ZDHHC3: variants seen among roughly 807,000 people sequenced by gnomAD.
The protein encoded by ZDHHC3 is palmitoyltransferase ZDHHC3.
ZDHHC3 carries 9 observed loss-of-function variants against 30.6 expected under a neutral mutation model. That is an observed-to-expected ratio of 0.29 (90% CI 0.18 to 0.51). The LOEUF is 0.51. Ranked by LOEUF, ZDHHC3 falls within the 20% of genes least tolerant of loss-of-function variation. ZDHHC3 has a pLI of 0.97. For synonymous variants in ZDHHC3, 136 were observed against 140.2 expected, an observed-to-expected ratio of 0.97 and a Z score of 0.21; for missense variants, 246 against 384.2, an observed-to-expected ratio of 0.64 and a Z score of 3.01.
Position 44,926,563 on chromosome 3 carries a change from T to C in ZDHHC3, c.*126A>G. On this transcript the variant is annotated 3_prime_UTR_variant, in exon 7 of 7. Coordinates refer to ENST00000424952, the MANE Select transcript of ZDHHC3 (RefSeq NM_001135179.2). Reference sequence around the variant, plus strand: ...CTCTGCAATGCTCAGCCATTTTACTTGAGACATAAAAAAAGTTTTAAGAGT... The same window carrying C: ...CTCTGCAATGCTCAGCCATTTTACTCGAGACATAAAAAAAGTTTTAAGAGT... 4 of 1,269,408 alleles carry C rather than the reference T, an allele frequency of 3.2e-6. No individual in the cohort carries two copies. The highest frequency in any genetic ancestry group is 3.0e-6 in the Non-Finnish European group (3 of 1,001,920). The allele number at this position is 1,269,408 out of a possible 1,614,324, so 78.6% of individuals were successfully genotyped here. A position where few individuals can be genotyped will look rare whatever the true frequency, so the allele number is the denominator to read the frequency against.
At chr3:44,940,628 C>T (rs1239154694) in intron 3 of ZDHHC3, among the ~76,000 whole-genome samples, 2 of 152,210 alleles carry the variant, frequency 1.3e-5, no homozygotes, top group South Asian at 2.1e-4. Flanking sequence ...TTCCAGGTTT[C>T]CCAGGCCCCT....
chr3:44,965,030 G>A (rs1704819776), intron 1 of ZDHHC3, among the ~76,000 whole-genome samples: 1 of 152,130 alleles, frequency 6.6e-6, no homozygotes, highest in South Asian at 2.1e-4. Context: ...GAGGTGTTCT[G>A]GAGCTCCCTA....
At position 44,922,044 on chromosome 3, in the gene ZDHHC3, T is replaced by C. The variant is rs957292634; in HGVS notation, c.*4645A>G. ...TGCTACGGCAATCACACTGCTCAAGTCAGCAAGATGTTTACTTGAGGGAGA... is the reference window on the plus strand; with the variant it reads ...TGCTACGGCAATCACACTGCTCAAGCCAGCAAGATGTTTACTTGAGGGAGA... On this transcript the variant is annotated 3_prime_UTR_variant, in exon 7 of 7. Coordinates refer to ENST00000424952, the MANE Select transcript of ZDHHC3 (RefSeq NM_001135179.2). 1.0e-5 allele frequency: 10 copies of C among 985,430 alleles called. No homozygotes were observed. Among genetic ancestry groups the C allele is most frequent in the Non-Finnish European group, 1.2e-5 (10 of 829,926 alleles). The allele number at this position is 985,430 out of a possible 1,614,324, so 61.0% of individuals were successfully genotyped here.
At position 44,942,591 on chromosome 3, in the gene ZDHHC3, A is replaced by C. The variant is rs530546571; in HGVS notation, c.431+2577T>G. Among the ~76,000 whole-genome samples the C allele has an allele frequency of 2.4e-4, 37 of 152,376 alleles. 1 individual carries two copies. The highest frequency in any genetic ancestry group is 6.8e-3 in the Middle Eastern group (2 of 294). ...GAATCACCAAAAGTTCTTTTCTATA[A>C]TACAAAGTTAACACCTCCCTGTTCT... On this transcript the variant is annotated intron_variant, in intron 3 of 6. Coordinates refer to ENST00000424952, the MANE Select transcript of ZDHHC3 (RefSeq NM_001135179.2).
At chr3:44,930,015 C>T (rs1390947885) in intron 5 of ZDHHC3, among the ~76,000 whole-genome samples, 1 of 152,228 alleles carries the variant, frequency 6.6e-6, no homozygotes, top group Non-Finnish European at 1.5e-5. Context: ...TGAGGTAATG[C>T]ACTGCCCCCG....
At position 44,920,535 on chromosome 3, in the gene ZDHHC3, A is replaced by G. The variant is rs1700520977; in HGVS notation, c.*6154T>C. 1.0e-6 allele frequency: 1 copy of G among 985,400 alleles called. No homozygotes were observed. The highest frequency in any genetic ancestry group is 1.2e-6 in the Non-Finnish European group (1 of 829,892). The allele number at this position is 985,400 out of a possible 1,614,324, so 61.0% of individuals were successfully genotyped here. A position where few individuals can be genotyped will look rare whatever the true frequency, so the allele number is the denominator to read the frequency against. On this transcript the variant is annotated 3_prime_UTR_variant, in exon 7 of 7. Coordinates refer to ENST00000424952, the MANE Select transcript of ZDHHC3 (RefSeq NM_001135179.2). ...AGTATTGATGATTGGCAGATGGGGA[A>G]GAAACAGAAGTTCCAAGAGGCCATG...
intron 5 of ZDHHC3, among the ~76,000 whole-genome samples, chr3:44,932,542 CT>C (rs1701583920): frequency 6.6e-6 from 1 of 152,212 alleles, no homozygotes; most frequent in Admixed American, 6.5e-5. Flanking sequence ...GTGCAATCTT[CT>C]GGCTGGAGTT....
In ZDHHC3 at chr3:44,955,157, C is replaced by T. The variant is rs1342491925; in HGVS notation, c.306+3974G>A. On this transcript the variant is annotated intron_variant, in intron 2 of 6. Coordinates refer to ENST00000424952, the MANE Select transcript of ZDHHC3 (RefSeq NM_001135179.2). ...GCCAGCCTGCCTGTCAAGTGAGGCACCTGCCCTGCTCCTCTGTCCATTTGT... is the reference window on the plus strand; with the variant it reads ...GCCAGCCTGCCTGTCAAGTGAGGCATCTGCCCTGCTCCTCTGTCCATTTGT... Among the ~76,000 whole-genome samples, 3 of 152,326 alleles carry T rather than the reference C, an allele frequency of 2.0e-5. No homozygotes were observed. The East Asian group carries it at 5.8e-4, about 29-fold the overall frequency.
rs1179138022 is a variant in ZDHHC3 at position 44,959,118 on chromosome 3, C to CA, written c.306+12dup. ...GAGTGTGGGCTGGTCAAAACAAGCC[C>CA]AGACATACTCACGGGGTCCGTCAGC... is the stretch of plus-strand genomic sequence containing the variant. On this transcript the variant is annotated intron_variant, in intron 2 of 6. Transcript: ENST00000424952. The surrounding 1 kb of genome is among the most constrained non-coding windows in gnomAD (Gnocchi z 4.3). 1.9e-6 allele frequency: 3 copies of CA among 1,613,696 alleles called. No homozygotes were observed. Among genetic ancestry groups the CA allele is most frequent in the Middle Eastern group, 1.7e-4 (1 of 6,000 alleles).
At chr3:44,928,316 T>C (rs1701183209) in intron 6 of ZDHHC3, among the ~76,000 whole-genome samples, 1 of 152,178 alleles carries the variant, frequency 6.6e-6, no homozygotes, top group African/African-American at 2.4e-5. Flanking sequence ...TGTCCCTTCT[T>C]TTCTTTGCAC....
chr3:44,917,901 A>G lies in ZDHHC3; in HGVS notation c.*8788T>C. On this transcript the variant is annotated 3_prime_UTR_variant, in exon 7 of 7. Transcript: ENST00000424952. ...TCTCTCCCCACAGCAGCATCTATTCATCTGTCACCTCCACAGAGTCCTCGT... is the reference window on the plus strand; with the variant it reads ...TCTCTCCCCACAGCAGCATCTATTCGTCTGTCACCTCCACAGAGTCCTCGT... 1 of 1,302,786 alleles carries G rather than the reference A, an allele frequency of 7.7e-7. No individual in the cohort carries two copies. The highest frequency in any genetic ancestry group is 1.0e-6 in the Non-Finnish European group (1 of 988,934). The allele number at this position is 1,302,786 out of a possible 1,614,324, so 80.7% of individuals were successfully genotyped here. A position where few individuals can be genotyped will look rare whatever the true frequency, so the allele number is the denominator to read the frequency against.
intron 3 of ZDHHC3, among the ~76,000 whole-genome samples, chr3:44,935,490 G>T (rs114031764): frequency 0.018 from 2,733 of 152,274 alleles, 41 homozygotes; most frequent in Middle Eastern, 0.085. Flanking sequence ...TCAAACTCCT[G>T]AGCTCGAGCA....
chr3:44,949,135 T>C lies in ZDHHC3; in HGVS notation c.307-3843A>G, dbSNP rs1282605166. Reference sequence around the variant, plus strand: ...TAGAAAAAAAATCTGGTCTGCAAAATGTAGTCAGATGTCAGAAAAGCCTAT... The same window carrying C: ...TAGAAAAAAAATCTGGTCTGCAAAACGTAGTCAGATGTCAGAAAAGCCTAT... On this transcript the variant is annotated intron_variant, in intron 2 of 6. Transcript: ENST00000424952. 2.0e-5 allele frequency among the ~76,000 whole-genome samples: 3 copies of C among 152,012 alleles called. No homozygotes were observed. In the South Asian group the frequency reaches 6.2e-4, roughly 31 times the overall value.
chr3:44,917,882 CCCACAGCAGCATCTATTCATCTGTCACCT>C lies in ZDHHC3; in HGVS notation c.*8778_*8806del. Reference sequence around the variant, plus strand: ...GCACTTTTTAGTGTTTGCTTCTCTCCCCACAGCAGCATCTATTCATCTGTCACCTCCACAGAGTCCTCGTCCTTTGTCTC... The same window carrying C: ...GCACTTTTTAGTGTTTGCTTCTCTCCCCACAGAGTCCTCGTCCTTTGTCTC... On this transcript the variant is annotated 3_prime_UTR_variant, in exon 7 of 7. Transcript: ENST00000424952. 1 of 1,299,090 alleles carries C rather than the reference CCCACAGCAGCATCTATTCATCTGTCACCT, an allele frequency of 7.7e-7. No individual in the cohort carries two copies. Among genetic ancestry groups the C allele is most frequent in the South Asian group, 1.2e-5 (1 of 81,006 alleles). The allele number at this position is 1,299,090 out of a possible 1,614,324, so 80.5% of individuals were successfully genotyped here.
chr3:44,924,571 A>T lies in ZDHHC3; in HGVS notation c.*2118T>A. ...GTTTCTATTTTTAGGACTAAAAAAA[A>T]GTCAGTGCATCTTCAGCACTATCTA... is the stretch of plus-strand genomic sequence containing the variant. On this transcript the variant is annotated 3_prime_UTR_variant, in exon 7 of 7. Coordinates refer to ENST00000424952, the MANE Select transcript of ZDHHC3 (RefSeq NM_001135179.2). 1.0e-6 allele frequency: 1 copy of T among 985,480 alleles called. No homozygotes were observed. Among genetic ancestry groups the T allele is most frequent in the Non-Finnish European group, 1.2e-6 (1 of 829,938 alleles). The allele number at this position is 985,480 out of a possible 1,614,324, so 61.0% of individuals were successfully genotyped here.
At chr3:44,928,413 C>T (rs895869808) in intron 6 of ZDHHC3, among the ~76,000 whole-genome samples, 1 of 152,092 alleles carries the variant, frequency 6.6e-6, no homozygotes, top group Non-Finnish European at 1.5e-5. Flanking sequence ...TGCTGACTAC[C>T]CTGAGGCCCA....
Position 44,959,987 on chromosome 3 carries a change from T to C in ZDHHC3, c.-24-527A>G, listed in dbSNP as rs1295091026. 6.6e-6 allele frequency among the ~76,000 whole-genome samples: 1 copy of C among 152,138 alleles called. No individual in the cohort carries two copies. Among genetic ancestry groups the C allele is most frequent in the African/African-American group, 2.4e-5 (1 of 41,428 alleles). On this transcript the variant is annotated intron_variant, in intron 1 of 6. Transcript: ENST00000424952. This position sits in a 1 kb window ranked among gnomAD's most constrained non-coding sequence, Gnocchi z 4.3. ...CATGTTGCCCAGGCTGATCTCAAAC[T>C]CCTGAGCTCAAGTTATCTGCCCACC...
intron 1 of ZDHHC3, among the ~76,000 whole-genome samples, chr3:44,974,087 T>G (rs909345910): frequency 6.6e-5 from 10 of 152,352 alleles, no homozygotes; most frequent in African/African-American, 2.4e-4. Context: ...TCTGGCAGCA[T>G]TTAAGCCGAA....
intron 2 of ZDHHC3, among the ~76,000 whole-genome samples, chr3:44,954,204 G>A (rs1188948908): frequency 6.6e-6 from 1 of 152,148 alleles, no homozygotes; most frequent in Admixed American, 6.5e-5. Context: ...ATTCAAGAGG[G>A]GTCGGGGTGG....
Sources: gnomAD v4.1 joint callset for allele counts (sites outside exome capture counted in the v4.1 genomes callset) on GRCh38, gnomAD v4.1.1 for gene constraint, Gnocchi (gnomAD v3.1) non-coding constraint, MANE v1.5 for transcripts, NCBI Gene and HGNC (gene_info 2026-07-23, HGNC 2026-07-21) for gene names.